The following ADAMTS20 variants were observed in gnomAD, a reference collection of about 807,000 sequenced individuals.
The protein encoded by ADAMTS20 is ADAM metallopeptidase with thrombospondin type 1 motif 20.
ADAMTS20 carries 225 observed loss-of-function variants against 260.1 expected under a neutral mutation model. The observed-to-expected ratio is 0.87, with a 90% confidence interval of 0.78 to 0.97. ADAMTS20 has a LOEUF of 0.97. Ranked by LOEUF, ADAMTS20 falls within the 50% of genes least tolerant of loss-of-function variation. ADAMTS20 has a pLI of 0.00. For missense variants in ADAMTS20, 2,400 were observed against 2,337.7 expected (o/e 1.03, Z -0.55); for synonymous variants, 802 against 769.5 (o/e 1.04, Z -0.70).
chr12:43,427,579 T>G (rs894077562), intron 26 of ADAMTS20, 110 bp from the exon 27 acceptor site: 20 of 997,146 alleles, frequency 2.0e-5, no homozygotes, highest in Non-Finnish European at 2.8e-5. Flanking sequence ...AACCCTACAT[T>G]AGAATCTCCT....
At chr12:43,465,481 C>T (rs1021645266) in intron 9 of ADAMTS20, among the ~76,000 whole-genome samples, 2 of 151,922 alleles carry the variant, frequency 1.3e-5, no homozygotes, top group African/African-American at 4.8e-5. Context: ...ATGCAATGTC[C>T]GGTATGCAGA....
At chr12:43,415,379 T>C (rs974754466) in intron 28 of ADAMTS20, among the ~76,000 whole-genome samples, 4 of 152,140 alleles carry the variant, frequency 2.6e-5, no homozygotes, top group Non-Finnish European at 4.4e-5. Context: ...GCAACTCCAG[T>C]CCAAATTGAT....
chr12:43,490,258 T>C, intron 7 of ADAMTS20, 137 bp downstream of exon 7: 1 of 484,462 alleles, frequency 2.1e-6, no homozygotes, highest in Non-Finnish European at 3.6e-6. Context: ...ATGAAATAAG[T>C]GACAAGTGTA....
intron 28 of ADAMTS20, among the ~76,000 whole-genome samples, chr12:43,413,998 A>G (rs747531393): frequency 2.0e-5 from 3 of 152,162 alleles, no homozygotes; most frequent in Non-Finnish European, 4.4e-5. Flanking sequence ...GTCCTGATCT[A>G]ATTGTATTTT....
intron 11 of ADAMTS20, among the ~76,000 whole-genome samples, chr12:43,462,557 C>T (rs1368078453): frequency 6.6e-6 from 1 of 152,006 alleles, no homozygotes; most frequent in Non-Finnish European, 1.5e-5. Flanking sequence ...TGAAAACATC[C>T]CTGAATTTGG....
At chr12:43,487,656 A>T (rs1468164751) in intron 7 of ADAMTS20, among the ~76,000 whole-genome samples, 1 of 152,210 alleles carries the variant, frequency 6.6e-6, no homozygotes, top group South Asian at 2.1e-4. Context: ...ATAATTTATT[A>T]TTGAATGACA....
intron 19 of ADAMTS20, 25 bp downstream of exon 19, chr12:43,434,220 A>G (rs991072353): frequency 1.3e-6 from 2 of 1,548,024 alleles, no homozygotes; most frequent in South Asian, 1.2e-5. Context: ...TAATCTGGTT[A>G]TATTACATAT....
Position 43,432,579 on chromosome 12 carries a change from T to A in ADAMTS20, c.2931+22A>T, listed in dbSNP as rs761509392. ...TTAGAAAGAAAGGGGCAACTTTTTT[T>A]AAGCAATCATTTTTATTGTACCTGA... is the stretch of plus-strand genomic sequence containing the variant. On this transcript the variant is annotated intron_variant, in intron 20 of 38. Coordinates refer to ENST00000389420, the MANE Select transcript of ADAMTS20 (RefSeq NM_025003.5). 7 of 1,609,584 alleles carry A rather than the reference T, an allele frequency of 4.3e-6. No individual in the cohort carries two copies. The African/African-American group carries it at 8.0e-5, about 18-fold the overall frequency.
chr12:43,458,341 G>A (rs78405358), intron 11 of ADAMTS20, among the ~76,000 whole-genome samples: 11,075 of 152,256 alleles, frequency 0.073, 1,054 homozygotes, highest in African/African-American at 0.22. Flanking sequence ...GTCCTGAGAC[G>A]TTCCCAAGTT....
chr12:43,460,008 T>C (rs1005233311), intron 11 of ADAMTS20, among the ~76,000 whole-genome samples: 3 of 152,186 alleles, frequency 2.0e-5, no homozygotes, highest in Non-Finnish European at 4.4e-5. Context: ...ACTCATTAGA[T>C]AGTCACAAGA....
At chr12:43,450,966 G>A (rs1941854154) in intron 14 of ADAMTS20, among the ~76,000 whole-genome samples, 2 of 152,030 alleles carry the variant, frequency 1.3e-5, no homozygotes, top group South Asian at 4.2e-4. Context: ...ATATCAAAGA[G>A]ATATCTACAC....
At chr12:43,490,328 TA>T in intron 7 of ADAMTS20, 66 bp downstream of exon 7, 2 of 824,840 alleles carry the variant, frequency 2.4e-6, no homozygotes, top group Non-Finnish European at 3.6e-6. Flanking sequence ...GAAAATAGCC[TA>T]AACATTATTG....
At position 43,427,033 on chromosome 12, in the gene ADAMTS20, C is replaced by T. The variant is rs562479797; in HGVS notation, c.4107+275G>A. On this transcript the variant is annotated intron_variant, in intron 27 of 38. Transcript: ENST00000389420. ...ATTAAAAATGAAAAAAATAGCCAGG[C>T]ATGGTGGCACACACCTGTAGTCTCA... 2.6e-5 allele frequency among the ~76,000 whole-genome samples: 4 copies of T among 152,122 alleles called. No homozygotes were observed. In the East Asian group the frequency reaches 7.7e-4, roughly 29 times the overall value.
chr12:43,429,062 G>C (rs1188302203), intron 24 of ADAMTS20, among the ~76,000 whole-genome samples: 1 of 151,882 alleles, frequency 6.6e-6, no homozygotes, highest in Non-Finnish European at 1.5e-5. Flanking sequence ...ATAATGCTTA[G>C]TTATTTGCTA....
At chr12:43,384,963 A>C (rs1940439587) in intron 29 of ADAMTS20, among the ~76,000 whole-genome samples, 1 of 152,062 alleles carries the variant, frequency 6.6e-6, no homozygotes. Flanking sequence ...AATCCTATGC[A>C]CATATACCAA....
At position 43,454,005 on chromosome 12, in the gene ADAMTS20, A is replaced by G; in HGVS notation, c.1662T>C (p.Pro554=). 1 of 1,613,820 alleles carries G rather than the reference A, an allele frequency of 6.2e-7. No homozygotes were observed. The highest frequency in any genetic ancestry group is 8.5e-7 in the Non-Finnish European group (1 of 1,179,814). ...LCVNKETETR[P]VNGEWGPWEP... is the part of the protein sequence containing the mutation. ...CCCATGGTCCCCATTCACCATTTAC[A>G]GGACGTGTTTCCGTTTCTTTGTTTA... Residue 554 remains proline, a synonymous_variant, in exon 12 of 39, where the codon CCT becomes CCC. Coordinates refer to ENST00000389420, the MANE Select transcript of ADAMTS20 (RefSeq NM_025003.5).
At chr12:43,442,250 T>G (rs989845087) in intron 16 of ADAMTS20, among the ~76,000 whole-genome samples, 55 of 151,526 alleles carry the variant, frequency 3.6e-4, no homozygotes, top group Non-Finnish European at 6.0e-4. Context: ...ACTTTATTGG[T>G]GAACATTTCT....
intron 28 of ADAMTS20, among the ~76,000 whole-genome samples, chr12:43,403,167 T>C (rs1418436702): frequency 6.6e-6 from 1 of 152,140 alleles, no homozygotes; most frequent in African/African-American, 2.4e-5. Flanking sequence ...AGTATATTTT[T>C]ATTTTTAGAG....
At chr12:43,467,796 T>C (rs552082223) in intron 8 of ADAMTS20, among the ~76,000 whole-genome samples, 2 of 152,260 alleles carry the variant, frequency 1.3e-5, no homozygotes, top group African/African-American at 2.4e-5. Context: ...CTAAAAATTA[T>C]CTCCATTTGA....
Sources: gnomAD v4.1 joint callset for allele counts (sites outside exome capture counted in the v4.1 genomes callset) on GRCh38, gnomAD v4.1.1 for gene constraint, MANE v1.5 for transcripts, NCBI Gene and HGNC (gene_info 2026-07-23, HGNC 2026-07-21) for gene names.